CNTN4: variants seen among roughly 807,000 people sequenced by gnomAD.
The protein encoded by CNTN4 is contactin 4.
A neutral mutation model predicts 122.5 loss-of-function variants in CNTN4; 77 were observed. That is an observed-to-expected ratio of 0.63 (90% confidence interval 0.52 to 0.76). CNTN4 has a LOEUF of 0.76. CNTN4 is among the 30% of genes least tolerant of loss of function. CNTN4 has a pLI of 0.00. For synonymous variants in CNTN4, 512 were observed against 447.0 expected (o/e 1.15, Z -1.83); for missense variants, 1,256 against 1,259.1 (o/e 1.00, Z 0.04).
intron 6 of CNTN4, among the ~76,000 whole-genome samples, chr3:2,808,811 G>A (rs138673806): frequency 6.6e-6 from 1 of 152,184 alleles, no homozygotes. Context: ...GCCCTTGATT[G>A]GACACCTTTT....
chr3:2,441,570 T>C (rs2048441037), intron 3 of CNTN4, among the ~76,000 whole-genome samples: 1 of 152,208 alleles, frequency 6.6e-6, no homozygotes. Flanking sequence ...GGTATTAGGG[T>C]AGCTTTTCAG....
At chr3:3,050,589 C>T (rs147466482) in intron 23 of CNTN4, among the ~76,000 whole-genome samples, 1 of 151,958 alleles carries the variant, frequency 6.6e-6, no homozygotes, top group Admixed American at 6.6e-5. Context: ...CATGGTGAAA[C>T]CCCGTCTCTG....
In CNTN4 at chr3:2,840,426, C is replaced by T. The variant is rs531790747; in HGVS notation, c.454+20845C>T. ...CTTCTTTTAGAAAAGCTGGGGCCGG[C>T]GCGGTGGCTCACGCCTGTCATCCCA... On this transcript the variant is annotated intron_variant, in intron 7 of 24. Transcript: ENST00000418658. Among the ~76,000 whole-genome samples the T allele has an allele frequency of 1.0e-3, 154 of 151,738 alleles. 2 individuals are homozygous for T. The highest frequency in any genetic ancestry group is 1.0e-3 in the South Asian group (5 of 4,780).
intron 12 of CNTN4, among the ~76,000 whole-genome samples, chr3:2,914,290 G>C (rs551103964): frequency 1.3e-5 from 2 of 151,962 alleles, no homozygotes; most frequent in South Asian, 2.1e-4. Context: ...AGAAGTAATA[G>C]AATAATATAT....
At chr3:2,439,535 A>G (rs1314406201) in intron 3 of CNTN4, among the ~76,000 whole-genome samples, 1 of 152,156 alleles carries the variant, frequency 6.6e-6, no homozygotes, top group Non-Finnish European at 1.5e-5. Flanking sequence ...AGAGATAGCT[A>G]TAAGGAGATA....
At chr3:2,668,240 C>T (rs898708792) in intron 4 of CNTN4, among the ~76,000 whole-genome samples, 1 of 152,056 alleles carries the variant, frequency 6.6e-6, no homozygotes, top group Admixed American at 6.6e-5. Context: ...AATGTTCTTC[C>T]ATTTGTTTGT....
chr3:2,548,342 A>T (rs2078334112), intron 3 of CNTN4, among the ~76,000 whole-genome samples: 1 of 152,044 alleles, frequency 6.6e-6, no homozygotes, highest in South Asian at 2.1e-4. Flanking sequence ...ATCTCAAGTT[A>T]ATTTTTGTAT....
intron 2 of CNTN4, among the ~76,000 whole-genome samples, chr3:2,225,099 C>A (rs534314313): frequency 7.3e-5 from 11 of 150,140 alleles, no homozygotes; most frequent in Non-Finnish European, 1.5e-4. Context: ...GCAAGTGAGC[C>A]GAGATCGCAC....
At chr3:2,113,541 C>T (rs1008653837) in intron 2 of CNTN4, among the ~76,000 whole-genome samples, 2 of 152,160 alleles carry the variant, frequency 1.3e-5, no homozygotes, top group African/African-American at 2.4e-5. Flanking sequence ...GTATTCTTAA[C>T]TAACTGAAAC....
chr3:2,261,679 A>G (rs1559389463), intron 2 of CNTN4, among the ~76,000 whole-genome samples: 2 of 152,308 alleles, frequency 1.3e-5, no homozygotes, highest in South Asian at 2.1e-4. Flanking sequence ...ATTCTATGGA[A>G]TAGTGAAGGC....
chr3:3,001,336 C>G (rs1232502755), intron 14 of CNTN4, among the ~76,000 whole-genome samples: 1 of 152,168 alleles, frequency 6.6e-6, no homozygotes, highest in Non-Finnish European at 1.5e-5. Context: ...GAAAGAATGG[C>G]ACTGAGCCAA....
intron 2 of CNTN4, among the ~76,000 whole-genome samples, chr3:2,206,837 A>G (rs1033980721): frequency 6.7e-6 from 1 of 149,516 alleles, no homozygotes; most frequent in Non-Finnish European, 1.5e-5. Context: ...GGGATACCTC[A>G]TCCGATTGCA....
At chr3:2,171,896 C>T (rs73098007) in intron 2 of CNTN4, among the ~76,000 whole-genome samples, 1 of 152,070 alleles carries the variant, frequency 6.6e-6, no homozygotes, top group African/African-American at 2.4e-5. Flanking sequence ...TCATCTATAC[C>T]ATTGGTCCTT....
At chr3:3,029,416 G>A (rs1002655665) in intron 15 of CNTN4, among the ~76,000 whole-genome samples, 3 of 152,148 alleles carry the variant, frequency 2.0e-5, no homozygotes, top group Admixed American at 2.0e-4. Flanking sequence ...GGCCAAGAGA[G>A]ATTAAGAGAT....
chr3:3,031,184 C>A (rs570898502), intron 16 of CNTN4, among the ~76,000 whole-genome samples: 1 of 152,168 alleles, frequency 6.6e-6, no homozygotes, highest in Non-Finnish European at 1.5e-5. Flanking sequence ...CGAACACATC[C>A]AGTAACTTTA....
At chr3:2,499,438 G>C (rs1472750125) in intron 3 of CNTN4, among the ~76,000 whole-genome samples, 1 of 152,118 alleles carries the variant, frequency 6.6e-6, no homozygotes, top group Non-Finnish European at 1.5e-5. Context: ...ATACTAAACA[G>C]AATCTATAAT....
intron 2 of CNTN4, among the ~76,000 whole-genome samples, chr3:2,271,574 C>CT (rs1458520672): frequency 6.6e-6 from 1 of 151,998 alleles, no homozygotes; most frequent in Non-Finnish European, 1.5e-5. Flanking sequence ...TATGTAATTA[C>CT]TTATCATTGT....
In CNTN4 at chr3:2,854,991, A is replaced by G. The variant is rs77619134; in HGVS notation, c.455-11761A>G. Among the ~76,000 whole-genome samples the G allele has an allele frequency of 8.7e-4, 133 of 152,354 alleles. 1 individual carries two copies. The East Asian group carries it at 0.022, about 25-fold the overall frequency. ...TCTATTAATTATGATTTGTCCAGTC[A>G]AAATTTTCCTACGAAATATATTTAA... On this transcript the variant is annotated intron_variant, in intron 7 of 24. Coordinates refer to ENST00000418658, the MANE Select transcript of CNTN4 (RefSeq NM_175607.3).
intron 17 of CNTN4, among the ~76,000 whole-genome samples, chr3:3,035,465 C>T (rs945690282): frequency 6.6e-6 from 1 of 152,150 alleles, no homozygotes; most frequent in African/African-American, 2.4e-5. Context: ...GCGGATTCTG[C>T]CTGACTATAG....
Sources: allele counts gnomAD v4.1 joint callset (sites outside exome capture counted in the v4.1 genomes callset), GRCh38; gene constraint gnomAD v4.1.1; transcripts MANE v1.5; gene names NCBI Gene and HGNC (gene_info 2026-07-23, HGNC 2026-07-21).